CALN1: variants seen among roughly 807,000 people sequenced by gnomAD.
CALN1 encodes the protein calneuron 1.
Under a neutral mutation model 30.6 loss-of-function variants are expected in CALN1, and 17 were observed. The observed-to-expected ratio is 0.56, with a 90% CI of 0.38 to 0.83. The LOEUF (loss-of-function observed/expected upper bound fraction) is 0.83. Among genes scored for constraint, CALN1 ranks in the 40% least tolerant of loss-of-function variants. The probability of loss-of-function intolerance (pLI) is 0.00; values close to 1 mark genes in which losing one functional copy is unlikely to be tolerated. For synonymous variants in CALN1, 156 were observed against 131.4 expected (o/e 1.19, Z -1.28); for missense variants, 291 against 354.9 (o/e 0.82, Z 1.45).
chr7:72,265,847 A>G (rs865841687), intron 3 of CALN1, among the ~76,000 whole-genome samples: 2 of 152,010 alleles, frequency 1.3e-5, no homozygotes, highest in South Asian at 4.1e-4. Context: ...TTTCTAAACT[A>G]CAAAGGCTGG....
chr7:72,164,303 A>G (rs1474763965), intron 3 of CALN1, among the ~76,000 whole-genome samples: 1 of 150,790 alleles, frequency 6.6e-6, no homozygotes, highest in Non-Finnish European at 1.5e-5. Context: ...GGGAGCCAAG[A>G]TCACGCCATT....
intron 4 of CALN1, among the ~76,000 whole-genome samples, chr7:72,051,344 A>T (rs1348474682): frequency 6.6e-6 from 1 of 152,120 alleles, no homozygotes; most frequent in Non-Finnish European, 1.5e-5. Context: ...TATAACCAAA[A>T]GCTAATCTAT....
chr7:72,066,962 G>A (rs1444013216), intron 4 of CALN1, among the ~76,000 whole-genome samples: 2 of 140,648 alleles, frequency 1.4e-5, no homozygotes, highest in South Asian at 4.5e-4. Flanking sequence ...TTTTTTTTTT[G>A]TATTTTAGTA....
chr7:72,235,934 G>C (rs1482179236), intron 3 of CALN1, among the ~76,000 whole-genome samples: 1 of 151,762 alleles, frequency 6.6e-6, no homozygotes, highest in Non-Finnish European at 1.5e-5. Flanking sequence ...CCAGCCCTGG[G>C]GTCCAAATAA....
intron 2 of CALN1, among the ~76,000 whole-genome samples, chr7:72,362,767 AG>A (rs1803644635): frequency 6.6e-6 from 1 of 152,032 alleles, no homozygotes; most frequent in African/African-American, 2.4e-5. Context: ...CCTTTCTTCA[AG>A]GAAGAAATCG....
intron 5 of CALN1, among the ~76,000 whole-genome samples, chr7:71,912,871 T>TC (rs539079427): frequency 4.5e-4 from 69 of 152,234 alleles, no homozygotes; most frequent in Admixed American, 1.1e-3. Context: ...GTAAAAACAA[T>TC]CCATAAATGA....
In CALN1 at chr7:71,892,992, A is replaced by G. The variant is rs140421851; in HGVS notation, c.502-82500T>C. ...TGTGTCCAAGTAAATTACAACTTGC[A>G]AGGCTTTGAAATTGACTCTGAAAAG... On this transcript the variant is annotated intron_variant, in intron 5 of 6. Coordinates refer to ENST00000395275, the MANE Select transcript of CALN1 (RefSeq NM_031468.4). 2.3e-4 allele frequency among the ~76,000 whole-genome samples: 35 copies of G among 152,260 alleles called. No individual in the cohort carries two copies. In the East Asian group the frequency reaches 6.2e-3, roughly 27 times the overall value.
At position 72,098,760 on chromosome 7, in the gene CALN1, G is replaced by GCACACACACACA. The variant is rs1491327481; in HGVS notation, c.388+7390_388+7391insTGTGTGTGTGTG. ...AACTCTGAGCAGTTCAGCCCATTTG[G>GCACACACACACA]CGCGCACACACACACACACACACAC... On this transcript the variant is annotated intron_variant, in intron 4 of 6. Transcript: ENST00000395275. 8.4e-3 allele frequency among the ~76,000 whole-genome samples: 850 copies of GCACACACACACA among 101,340 alleles called. 13 individuals are homozygous for GCACACACACACA. Among genetic ancestry groups the GCACACACACACA allele is most frequent in the Admixed American group, 0.017 (197 of 11,314 alleles). 66.5% of individuals were successfully genotyped at this position (101,340 alleles called of 152,430 possible).
At chr7:72,412,814 C>T (rs575760100), upstream of CALN1, among the ~76,000 whole-genome samples, 20 of 152,262 alleles carry the variant, frequency 1.3e-4, no homozygotes, top group Non-Finnish European at 2.4e-4. Context: ...AGAGAAATAT[C>T]TGGTGGCCCA....
chr7:71,921,655 A>C (rs545307993), intron 5 of CALN1, among the ~76,000 whole-genome samples: 2 of 152,308 alleles, frequency 1.3e-5, no homozygotes, highest in South Asian at 4.1e-4. Flanking sequence ...GTAAAAAAGA[A>C]ATATCTACCA....
chr7:72,149,494 A>C (rs1385694427), intron 3 of CALN1, among the ~76,000 whole-genome samples: 1 of 150,680 alleles, frequency 6.6e-6, no homozygotes, highest in Non-Finnish European at 1.5e-5. Context: ...AAATTAAAAA[A>C]CCCCTCTATT....
rs1799587381 is a variant in CALN1, at chr7:72,002,728, TA to T, written c.501+20928del. ...ACAAGACAGTATTATATTCAGCTTT[TA>T]AAAAGAAGGAAATCCTGTCATCTCT... is the stretch of plus-strand genomic sequence containing the variant. On this transcript the variant is annotated intron_variant, in intron 5 of 6. Coordinates refer to ENST00000395275, the MANE Select transcript of CALN1 (RefSeq NM_031468.4). 2.0e-5 allele frequency among the ~76,000 whole-genome samples: 3 copies of T among 152,264 alleles called. No individual in the cohort carries two copies. In the South Asian group the frequency reaches 6.2e-4, roughly 32 times the overall value.
intron 5 of CALN1, among the ~76,000 whole-genome samples, chr7:71,989,501 A>G (rs942473489): frequency 5.3e-5 from 8 of 152,118 alleles, no homozygotes; most frequent in African/African-American, 1.9e-4. Context: ...CCACTAATTC[A>G]GCTATGTGTC....
the CALN1 span, among the ~76,000 whole-genome samples, chr7:72,487,734 A>AAGGAAGGAAGG: frequency 1.2e-4 from 7 of 56,618 alleles, 1 homozygote; most frequent in African/African-American, 7.8e-4. Context: ...AGAAAGAAAG[A>AAGGAAGGAAGG]AAGGAAGGAA....
intron 5 of CALN1, among the ~76,000 whole-genome samples, chr7:71,945,067 C>G (rs1796338298): frequency 6.6e-6 from 1 of 152,140 alleles, no homozygotes. Context: ...GCCCTCCCCA[C>G]AGTAATAAGT....
intron 2 of CALN1, among the ~76,000 whole-genome samples, chr7:72,352,697 G>A (rs1433194753): frequency 6.6e-6 from 1 of 151,616 alleles, no homozygotes; most frequent in Admixed American, 6.6e-5. Context: ...AAAGATGAAA[G>A]GTTTAAAGCC....
rs532116742 is a variant in CALN1, at chr7:72,268,272, G to A, written c.244+10414C>T. 2.0e-5 allele frequency among the ~76,000 whole-genome samples: 3 copies of A among 152,188 alleles called. No individual in the cohort carries two copies. In the East Asian group the frequency reaches 5.8e-4, roughly 30 times the overall value. On this transcript the variant is annotated intron_variant, in intron 3 of 6. Coordinates refer to ENST00000395275, the MANE Select transcript of CALN1 (RefSeq NM_031468.4). ...AAGCTTAAACAAAAGCGGAGAAGGAGGAAGGAGCTCAAGGCAGCAGGGGAT... is the reference window on the plus strand; with the variant it reads ...AAGCTTAAACAAAAGCGGAGAAGGAAGAAGGAGCTCAAGGCAGCAGGGGAT...
At chr7:72,046,425 A>G (rs1802475233) in intron 4 of CALN1, among the ~76,000 whole-genome samples, 2 of 151,876 alleles carry the variant, frequency 1.3e-5, no homozygotes, top group Admixed American at 1.3e-4. Context: ...ATTTTTTTGT[A>G]GAGAGGCTGG....
At chr7:72,334,179 T>TTC (rs1336009843) in intron 2 of CALN1, among the ~76,000 whole-genome samples, 1 of 152,168 alleles carries the variant, frequency 6.6e-6, no homozygotes, top group East Asian at 1.9e-4. Context: ...GAAATCTGAA[T>TTC]TAAGAGGGTC....
Sources: gnomAD v4.1 joint callset for allele counts (sites outside exome capture counted in the v4.1 genomes callset) on GRCh38, gnomAD v4.1.1 for gene constraint, MANE v1.5 for transcripts, NCBI Gene and HGNC (gene_info 2026-07-23, HGNC 2026-07-21) for gene names.